ASNS: variants seen among roughly 807,000 people sequenced by gnomAD.
ASNS encodes asparagine synthetase (glutamine-hydrolyzing), also known as asparagine synthetase [glutamine-hydrolyzing].
In ASNS, 37 loss-of-function variants were observed where a neutral mutation model predicts 62.6. The ratio of observed to expected loss-of-function variants is 0.59; its 90% CI spans 0.45 to 0.78. The LOEUF (loss-of-function observed/expected upper bound fraction) is 0.78. ASNS is among the 30% of genes least tolerant of loss of function. The pLI is 0.00. For missense variants in ASNS, 520 were observed against 682.4 expected, an observed-to-expected ratio of 0.76 and a Z score of 2.65; for synonymous variants, 207 against 237.9, an observed-to-expected ratio of 0.87 and a Z score of 1.19.
At chr7:97,879,540 T>C in the ASNS span, among the ~76,000 whole-genome samples, 3 of 152,170 alleles carry the variant, frequency 2.0e-5, no homozygotes, top group Admixed American at 2.0e-4. Flanking sequence ...TGCCATGTCA[T>C]GAGTGGCCAG....
At chr7:97,890,575 C>G in the ASNS span, among the ~76,000 whole-genome samples, 1 of 152,100 alleles carries the variant, frequency 6.6e-6, no homozygotes, top group African/African-American at 2.4e-5. Flanking sequence ...CTATATCCAG[C>G]AAAGCTATCC....
At chr7:97,870,175 C>T in intron 1 of ASNS, 1 of 941,418 alleles carries the variant, frequency 1.1e-6, no homozygotes, top group Non-Finnish European at 1.5e-6. Flanking sequence ...CCATGTGTGG[C>T]ATTTGGGCCC....
the ASNS span, among the ~76,000 whole-genome samples, chr7:97,902,832 A>G: frequency 6.6e-6 from 1 of 152,164 alleles, no homozygotes; most frequent in African/African-American, 2.4e-5. Context: ...GGTCTCTTCC[A>G]TCTCTACTAA....
chr7:97,918,496 G>A, the ASNS span, among the ~76,000 whole-genome samples: 3 of 152,158 alleles, frequency 2.0e-5, no homozygotes, highest in Non-Finnish European at 4.4e-5. Context: ...ATAACTGCTG[G>A]GAGAAGAAGG....
the ASNS span, among the ~76,000 whole-genome samples, chr7:97,913,867 G>T: frequency 6.6e-6 from 1 of 151,550 alleles, no homozygotes; most frequent in African/African-American, 2.4e-5. Context: ...TGGGTGGGCA[G>T]GTGGATGAAT....
rs576131274 is a variant in ASNS, at chr7:97,859,194, G to C, written c.673+19C>G. 3.3e-5 allele frequency: 53 copies of C among 1,593,214 alleles called. No individual in the cohort carries two copies. The East Asian group carries it at 1.1e-3, about 32-fold the overall frequency. On this transcript the variant is annotated intron_variant, in intron 5 of 12. Coordinates refer to ENST00000394308, the MANE Select transcript of ASNS (RefSeq NM_001673.5). ...TCCCTTGGAGAAGGATGGGGAATAG[G>C]TGGGTGGGTGTCTGCTACCTGGAAA...
chr7:97,874,425 C>T (rs1351240915), upstream of ASNS, among the ~76,000 whole-genome samples: 1 of 152,178 alleles, frequency 6.6e-6, no homozygotes, highest in Non-Finnish European at 1.5e-5. Flanking sequence ...GATATACATC[C>T]TTCTCGGCTG....
chr7:97,876,724 C>G (rs938999110), upstream of ASNS, among the ~76,000 whole-genome samples: 2 of 152,084 alleles, frequency 1.3e-5, no homozygotes, highest in Non-Finnish European at 2.9e-5. Flanking sequence ...CCGTGCCCAG[C>G]TCAAAAATAC....
At position 97,864,318 on chromosome 7, in the gene ASNS, C is replaced by T. The variant is rs1352862910; in HGVS notation, c.428G>A (p.Arg143Lys). 1 of 1,613,780 alleles carries T rather than the reference C, an allele frequency of 6.2e-7. No homozygotes were observed. Among genetic ancestry groups the T allele is most frequent in the South Asian group, 1.1e-5 (1 of 91,078 alleles). ...TTCTGTCATTGCTTTAAACAAAGGT[C>T]TGACTCCATATGTATCTCTACCCAG... Reference protein sequence around the residue: ...VFLGRDTYGVRPLFKAMTEDG... With the variant: ...VFLGRDTYGVKPLFKAMTEDG... The change falls in exon 4 of 13, where the codon AGA becomes AAA. Residue 143 changes from arginine to lysine, a missense_variant. By Grantham distance (26) the Arg-to-Lys change is conservative. Transcript: ENST00000394308.
At chr7:97,856,944 A>C in intron 7 of ASNS, 128 bp from the exon 8 acceptor site, 1 of 1,021,130 alleles carries the variant, frequency 9.8e-7, no homozygotes, top group Non-Finnish European at 1.4e-6. Context: ...GAAAAAAAGA[A>C]AAATGACTTT....
chr7:97,877,834 T>C, the ASNS span, among the ~76,000 whole-genome samples: 1 of 152,250 alleles, frequency 6.6e-6, no homozygotes, highest in Non-Finnish European at 1.5e-5. Context: ...ACAAAGCAAG[T>C]GTGACCATAA....
the ASNS span, among the ~76,000 whole-genome samples, chr7:97,889,918 T>C: frequency 2.8e-4 from 3 of 10,872 alleles, no homozygotes; most frequent in African/African-American, 7.8e-4. Context: ...AGAACACAGA[T>C]AATGAATACA....
At chr7:97,854,463 G>A in intron 10 of ASNS, 117 bp downstream of exon 10, 1 of 1,260,914 alleles carries the variant, frequency 7.9e-7, no homozygotes, top group East Asian at 2.4e-5. Context: ...CCAACTATAT[G>A]TAACATATAG....
chr7:97,895,999 A>C, the ASNS span, among the ~76,000 whole-genome samples: 70,573 of 150,300 alleles, frequency 0.47, 18,554 homozygotes, highest in Admixed American at 0.61. Context: ...AAAAAAAAAA[A>C]AACAAAAAAC....
At chr7:97,924,188 T>G in the ASNS span, among the ~76,000 whole-genome samples, 1 of 152,100 alleles carries the variant, frequency 6.6e-6, no homozygotes, top group South Asian at 2.1e-4. Context: ...GGGCTTGAAA[T>G]GTCCAGTGTG....
chr7:97,862,263 TATA>T (rs1030805862), intron 4 of ASNS, among the ~76,000 whole-genome samples: 5 of 151,450 alleles, frequency 3.3e-5, no homozygotes, highest in Non-Finnish European at 4.4e-5. Context: ...GAACTTAAAG[TATA>T]ATAATAATAA....
At chr7:97,916,068 T>A in the ASNS span, among the ~76,000 whole-genome samples, 1 of 152,104 alleles carries the variant, frequency 6.6e-6, no homozygotes, top group Non-Finnish European at 1.5e-5. Context: ...ATGCTTGAAG[T>A]CATGATAAGT....
the ASNS span, among the ~76,000 whole-genome samples, chr7:97,890,106 CA>C: frequency 6.6e-6 from 1 of 151,530 alleles, no homozygotes; most frequent in Non-Finnish European, 1.5e-5. Context: ...TCAAGCAAAA[CA>C]AAGAATTTCT....
the ASNS span, among the ~76,000 whole-genome samples, chr7:97,894,480 CAAAAAAA>C: frequency 7.1e-4 from 26 of 36,516 alleles, no homozygotes; most frequent in East Asian, 1.1e-3. Context: ...TGAGGCTAAC[CAAAAAAA>C]AAAAAAAAAA....
Sources: allele counts gnomAD v4.1 joint callset (sites outside exome capture counted in the v4.1 genomes callset), GRCh38; gene constraint gnomAD v4.1.1; transcripts MANE v1.5; gene names NCBI Gene and HGNC (gene_info 2026-07-23, HGNC 2026-07-21).